CSMD1: variants seen among roughly 807,000 people sequenced by gnomAD.
CSMD1 encodes the protein CUB and Sushi multiple domains 1.
Under a neutral mutation model 417.5 loss-of-function variants are expected in CSMD1, and 213 were observed. The observed-to-expected ratio is 0.51, with a 90% confidence interval of 0.46 to 0.57. CSMD1 has a LOEUF of 0.57. Ranked by LOEUF, CSMD1 falls within the 20% of genes least tolerant of loss-of-function variation. The pLI is 0.00. For missense variants in CSMD1, 6,923 were observed against 4,529.7 expected (o/e 1.53, Z -15.17); for synonymous variants, 2,862 against 1,736.8 (o/e 1.65, Z -16.11).
chr8:4,817,916 T>C (rs899363549), intron 1 of CSMD1, among the ~76,000 whole-genome samples: 1 of 152,206 alleles, frequency 6.6e-6, no homozygotes, highest in Non-Finnish European at 1.5e-5. Context: ...ACAAATATTA[T>C]CTGCTCAAAC....
chr8:2,986,773 G>A (rs919330650), intron 54 of CSMD1, among the ~76,000 whole-genome samples: 3 of 152,024 alleles, frequency 2.0e-5, no homozygotes, highest in Non-Finnish European at 4.4e-5. Context: ...CAAAGTGCTG[G>A]GATTACAGGC....
chr8:4,862,752 G>A (rs895416100), intron 1 of CSMD1, among the ~76,000 whole-genome samples: 3 of 152,032 alleles, frequency 2.0e-5, no homozygotes, highest in Admixed American at 1.3e-4. Context: ...ACACAGTAGC[G>A]ACAACTTGGA....
At chr8:3,901,743 G>A (rs780833145) in intron 5 of CSMD1, among the ~76,000 whole-genome samples, 5 of 152,166 alleles carry the variant, frequency 3.3e-5, no homozygotes, top group African/African-American at 4.8e-5. Context: ...TAGGCTTAAC[G>A]CTTTTCGATG....
At chr8:2,974,216 C>G (rs1343997701) in intron 56 of CSMD1, among the ~76,000 whole-genome samples, 2 of 152,232 alleles carry the variant, frequency 1.3e-5, no homozygotes, top group East Asian at 1.9e-4. Context: ...GAGATCCAGA[C>G]TCTCCTGAGA....
Position 3,676,640 on chromosome 8 carries a change from C to T in CSMD1, c.1009+31774G>A, listed in dbSNP as rs144221440. ...CGTGAGCTTGTGTGTTGTGGGACCACGCACACACATGTGGGTAGAGTATAT... is the reference window on the plus strand; with the variant it reads ...CGTGAGCTTGTGTGTTGTGGGACCATGCACACACATGTGGGTAGAGTATAT... On this transcript the variant is annotated intron_variant, in intron 7 of 69. Transcript: ENST00000635120. 6.1e-4 allele frequency among the ~76,000 whole-genome samples: 93 copies of T among 152,196 alleles called. 1 individual carries two copies. Among genetic ancestry groups the T allele is most frequent in the African/African-American group, 1.4e-3 (59 of 41,526 alleles).
intron 7 of CSMD1, among the ~76,000 whole-genome samples, chr8:3,707,911 G>T (rs998094778): frequency 2.0e-5 from 3 of 152,108 alleles, no homozygotes; most frequent in African/African-American, 7.2e-5. Flanking sequence ...CAGGTCCTGG[G>T]CACGTGCAAA....
intron 1 of CSMD1, among the ~76,000 whole-genome samples, chr8:4,798,961 C>G (rs183030323): frequency 2.6e-5 from 4 of 152,316 alleles, no homozygotes; most frequent in Admixed American, 2.6e-4. Flanking sequence ...CAAATTCACT[C>G]TCCATGCTTC....
intron 3 of CSMD1, among the ~76,000 whole-genome samples, chr8:4,171,605 G>A (rs1185295593): frequency 6.6e-6 from 1 of 151,470 alleles, no homozygotes; most frequent in African/African-American, 2.4e-5. Context: ...TTAGGGGACG[G>A]TCCCACTAAA....
chr8:4,600,165 G>A (rs571219018), intron 2 of CSMD1, among the ~76,000 whole-genome samples: 212 of 152,150 alleles, frequency 1.4e-3, no homozygotes, highest in Non-Finnish European at 2.7e-3. Flanking sequence ...CTGAGCTGTG[G>A]TCGCAGAACA....
intron 3 of CSMD1, among the ~76,000 whole-genome samples, chr8:4,205,351 A>G (rs946150050): frequency 6.6e-6 from 1 of 152,266 alleles, no homozygotes; most frequent in Admixed American, 6.5e-5. Context: ...TGATTGAGAT[A>G]AATGTCACAA....
chr8:4,414,136 C>G (rs886475445), intron 3 of CSMD1, among the ~76,000 whole-genome samples: 1 of 152,126 alleles, frequency 6.6e-6, no homozygotes, highest in Non-Finnish European at 1.5e-5. Flanking sequence ...TAAATCAGTG[C>G]TGACATTCTA....
At chr8:4,822,418 T>C (rs1481418510) in intron 1 of CSMD1, among the ~76,000 whole-genome samples, 1 of 152,116 alleles carries the variant, frequency 6.6e-6, no homozygotes, top group Non-Finnish European at 1.5e-5. Context: ...TTTAAAAAGA[T>C]AATCTATATG....
intron 42 of CSMD1, among the ~76,000 whole-genome samples, chr8:3,114,707 T>C (rs1378950883): frequency 6.6e-6 from 1 of 152,108 alleles, no homozygotes; most frequent in East Asian, 1.9e-4. Context: ...AGTTGCATTC[T>C]TTATAGTTAT....
At chr8:4,232,203 T>C (rs1333138941) in intron 3 of CSMD1, among the ~76,000 whole-genome samples, 1 of 152,194 alleles carries the variant, frequency 6.6e-6, no homozygotes, top group Non-Finnish European at 1.5e-5. Flanking sequence ...TATTTGTTTT[T>C]ATTTATTTTT....
chr8:3,762,772 G>C (rs541461841), intron 5 of CSMD1, among the ~76,000 whole-genome samples: 7 of 152,296 alleles, frequency 4.6e-5, no homozygotes, highest in East Asian at 1.9e-4. Flanking sequence ...GAGAGAGAAA[G>C]AGTTAAGCTG....
At chr8:4,612,964 G>C (rs35769046) in intron 2 of CSMD1, among the ~76,000 whole-genome samples, 9,415 of 152,194 alleles carry the variant, frequency 0.062, 456 homozygotes, top group East Asian at 0.16. Flanking sequence ...ACAGGGACTA[G>C]AGATATAACA....
chr8:4,188,966 G>C (rs920508417), intron 3 of CSMD1, among the ~76,000 whole-genome samples: 1 of 152,158 alleles, frequency 6.6e-6, no homozygotes, highest in Non-Finnish European at 1.5e-5. Flanking sequence ...CCTGTGTTGA[G>C]GGGACCCAGA....
chr8:3,467,485 C>T (rs1816849087), intron 12 of CSMD1, among the ~76,000 whole-genome samples: 1 of 152,202 alleles, frequency 6.6e-6, no homozygotes, highest in Admixed American at 6.5e-5. Flanking sequence ...AGGAGGTATT[C>T]AGCAGTTGCC....
chr8:3,359,597 G>C (rs945829196), intron 20 of CSMD1, among the ~76,000 whole-genome samples: 2 of 151,578 alleles, frequency 1.3e-5, no homozygotes, highest in South Asian at 2.1e-4. Context: ...GGCTGGGAAG[G>C]GGGTGTATGG....
Sources: allele counts gnomAD v4.1 joint callset (sites outside exome capture counted in the v4.1 genomes callset), GRCh38; gene constraint gnomAD v4.1.1; transcripts MANE v1.5; gene names NCBI Gene and HGNC (gene_info 2026-07-23, HGNC 2026-07-21).